COLEC10: variants seen among roughly 807,000 people sequenced by gnomAD.
COLEC10 encodes collectin subfamily member 10, also known as collectin-10.
In COLEC10, 22 loss-of-function variants were observed where a neutral mutation model predicts 28.4. The ratio of observed to expected loss-of-function variants is 0.78; its 90% CI spans 0.55 to 1.11. The LOEUF (loss-of-function observed/expected upper bound fraction) is 1.11. Among genes scored for constraint, COLEC10 ranks in the 50% least tolerant of loss-of-function variants. The pLI, the probability that COLEC10 is intolerant of heterozygous loss-of-function variation, is 0.00. For synonymous variants in COLEC10, 125 were observed against 116.1 expected, an observed-to-expected ratio of 1.08 and a Z score of -0.49; for missense variants, 361 against 344.1, an observed-to-expected ratio of 1.05 and a Z score of -0.39.
intron 1 of COLEC10, among the ~76,000 whole-genome samples, chr8:119,082,427 A>G (rs1200515194): frequency 2.0e-5 from 3 of 152,194 alleles, no homozygotes; most frequent in African/African-American, 7.2e-5. Flanking sequence ...TTTGAAAACA[A>G]TTATTGAGCA....
At chr8:119,018,149 A>G (rs899638833) in intron 2 of COLEC10, among the ~76,000 whole-genome samples, 3 of 152,218 alleles carry the variant, frequency 2.0e-5, no homozygotes, top group Non-Finnish European at 2.9e-5. Context: ...ACAGACATGA[A>G]AAGAAATTGT....
At chr8:118,956,643 T>G in the COLEC10 span, among the ~76,000 whole-genome samples, 1 of 152,198 alleles carries the variant, frequency 6.6e-6, no homozygotes, top group Non-Finnish European at 1.5e-5. Context: ...AGTTAACTGA[T>G]GCATATTTCA....
chr8:119,082,750 T>C (rs1815393743), intron 1 of COLEC10, among the ~76,000 whole-genome samples: 1 of 152,246 alleles, frequency 6.6e-6, no homozygotes, highest in African/African-American at 2.4e-5. Flanking sequence ...CCTGCCCTCA[T>C]ATAAGGACAA....
At chr8:119,075,779 C>G (rs909717942) in intron 1 of COLEC10, among the ~76,000 whole-genome samples, 1 of 152,210 alleles carries the variant, frequency 6.6e-6, no homozygotes, top group South Asian at 2.1e-4. Flanking sequence ...CTGTGCCCCC[C>G]ATTCTACCTC....
the COLEC10 span, among the ~76,000 whole-genome samples, chr8:118,961,186 A>G: frequency 2.0e-5 from 3 of 152,216 alleles, no homozygotes; most frequent in Non-Finnish European, 4.4e-5. Flanking sequence ...AAGGAAACTA[A>G]AACTCAGGAC....
intron 1 of COLEC10, among the ~76,000 whole-genome samples, chr8:118,998,656 G>A (rs1813633989): frequency 6.8e-6 from 1 of 146,160 alleles, no homozygotes; most frequent in Non-Finnish European, 1.5e-5. Context: ...GGCTAATATG[G>A]AGAAACCCCG....
At chr8:119,030,591 C>T (rs977236384) in intron 2 of COLEC10, among the ~76,000 whole-genome samples, 1 of 152,184 alleles carries the variant, frequency 6.6e-6, no homozygotes, top group South Asian at 2.1e-4. Flanking sequence ...AACAGGTTGC[C>T]TATCCTCCAC....
intron 5 of COLEC10, among the ~76,000 whole-genome samples, chr8:119,104,675 C>A (rs144074023): frequency 1.3e-5 from 2 of 152,252 alleles, no homozygotes; most frequent in African/African-American, 4.8e-5. Context: ...GTTGGAATCA[C>A]ATAGATGCTG....
intron 2 of COLEC10, among the ~76,000 whole-genome samples, chr8:119,041,881 T>C (rs537094415): frequency 1.3e-5 from 2 of 152,230 alleles, no homozygotes; most frequent in East Asian, 3.9e-4. Flanking sequence ...AACAGAGCCA[T>C]ACAGGTTTGG....
the COLEC10 span, among the ~76,000 whole-genome samples, chr8:118,989,635 G>T: frequency 1.3e-5 from 2 of 149,130 alleles, no homozygotes; most frequent in East Asian, 3.9e-4. Context: ...AATCTTGGAA[G>T]AACAAATAAA....
chr8:119,097,450 C>A (rs574690834), intron 3 of COLEC10, among the ~76,000 whole-genome samples: 5 of 152,070 alleles, frequency 3.3e-5, no homozygotes, highest in Admixed American at 1.3e-4. Context: ...TTTCAAGGCA[C>A]AATAATTCAT....
intron 1 of COLEC10, among the ~76,000 whole-genome samples, chr8:119,084,866 TA>T (rs1286180507): frequency 6.6e-6 from 1 of 151,866 alleles, no homozygotes; most frequent in African/African-American, 2.4e-5. Context: ...CAATAAAGGG[TA>T]AAAAAAACAC....
chr8:119,094,175 G>A (rs1425799310), intron 3 of COLEC10, among the ~76,000 whole-genome samples: 1 of 152,062 alleles, frequency 6.6e-6, no homozygotes, highest in Non-Finnish European at 1.5e-5. Flanking sequence ...TGAGTCCCGG[G>A]GCATCCAGCC....
intron 2 of COLEC10, among the ~76,000 whole-genome samples, chr8:119,034,046 G>A (rs888338728): frequency 2.0e-5 from 3 of 152,106 alleles, no homozygotes; most frequent in African/African-American, 7.2e-5. Context: ...TGTACACAAT[G>A]GTATACTATC....
Position 119,000,485 on chromosome 8 carries a change from A to G in COLEC10, n.122+4912A>G, listed in dbSNP as rs534312119. Reference sequence around the variant, plus strand: ...ACCAAGTGCACAGAGGAGCTTAATCAGGCTTGAGTGTCACCAGGCAATAAT... The same window carrying G: ...ACCAAGTGCACAGAGGAGCTTAATCGGGCTTGAGTGTCACCAGGCAATAAT... On this transcript the variant is annotated intron_variant and non_coding_transcript_variant, in intron 1 of 6. Coordinates refer to the COLEC10 transcript ENST00000521788. Among the ~76,000 whole-genome samples the G allele has an allele frequency of 2.6e-4, 39 of 152,214 alleles. No homozygotes were observed. In the South Asian group the frequency reaches 3.9e-3, roughly 15 times the overall value.
At chr8:118,990,359 T>C in the COLEC10 span, among the ~76,000 whole-genome samples, 1 of 152,166 alleles carries the variant, frequency 6.6e-6, no homozygotes, top group East Asian at 1.9e-4. Flanking sequence ...TTTACTTACA[T>C]TGTTTGAATA....
the COLEC10 span, among the ~76,000 whole-genome samples, chr8:118,977,491 A>G: frequency 1.4e-5 from 2 of 145,902 alleles, no homozygotes; most frequent in East Asian, 2.1e-4. Context: ...TCAGTAAACT[A>G]TCGCAAGAAC....
rs188340949 is a variant in COLEC10 at position 119,079,702 on chromosome 8, C to T, written c.149-9978C>T. On this transcript the variant is annotated intron_variant, in intron 1 of 5. Transcript: ENST00000332843. ...TTTTTAAGCCAAATAAGCTTGAAAACGACAAAAAAAGATACTTTGTAATTC... is the reference window on the plus strand; with the variant it reads ...TTTTTAAGCCAAATAAGCTTGAAAATGACAAAAAAAGATACTTTGTAATTC... Among the ~76,000 whole-genome samples the T allele has an allele frequency of 5.0e-4, 66 of 131,712 alleles. No individual in the cohort carries two copies. In the East Asian group the frequency reaches 0.013, roughly 26 times the overall value. The allele number at this position is 131,712 out of a possible 152,430, so 86.4% of individuals were successfully genotyped here. A position where few individuals can be genotyped will look rare whatever the true frequency, so the allele number is the denominator to read the frequency against.
chr8:118,957,019 G>A, the COLEC10 span, among the ~76,000 whole-genome samples: 4 of 152,028 alleles, frequency 2.6e-5, no homozygotes, highest in Non-Finnish European at 5.9e-5. Context: ...TCCTATAAAC[G>A]CCTTACCCTA....
Sources: gnomAD v4.1 joint callset for allele counts (sites outside exome capture counted in the v4.1 genomes callset) on GRCh38, gnomAD v4.1.1 for gene constraint, MANE v1.5 for transcripts, NCBI Gene and HGNC (gene_info 2026-07-23, HGNC 2026-07-21) for gene names.